The following PITPNC1 variants were observed in gnomAD, a reference collection of about 807,000 sequenced individuals.
PITPNC1 encodes phosphatidylinositol transfer protein cytoplasmic 1.
Under a neutral mutation model 44.7 loss-of-function variants are expected in PITPNC1, and 18 were observed. That is an observed-to-expected ratio of 0.40 (90% CI 0.28 to 0.60). The LOEUF is 0.60. PITPNC1 is among the 20% of genes least tolerant of loss of function. The pLI, the probability that PITPNC1 is intolerant of heterozygous loss-of-function variation, is 0.39. For synonymous variants in PITPNC1, 141 were observed against 149.6 expected (o/e 0.94, Z 0.42); for missense variants, 290 against 418.4 (o/e 0.69, Z 2.68).
chr17:67,583,894 TGTTTGTG>T (rs1568052063), intron 5 of PITPNC1, among the ~76,000 whole-genome samples: 207 of 118,806 alleles, frequency 1.7e-3, no homozygotes, highest in Non-Finnish European at 3.0e-3. Context: ...TGTGTGTGTG[TGTTTGTG>T]TGTGTGTGTG....
chr17:67,583,060 C>T (rs910525693), intron 5 of PITPNC1, among the ~76,000 whole-genome samples: 4 of 152,220 alleles, frequency 2.6e-5, no homozygotes, highest in African/African-American at 4.8e-5. Context: ...GCCTGGGTCC[C>T]AGCCCCTGGG....
chr17:67,600,814 CAAT>C (rs1392812616), intron 5 of PITPNC1, among the ~76,000 whole-genome samples: 1 of 151,236 alleles, frequency 6.6e-6, no homozygotes, highest in African/African-American at 2.4e-5. Flanking sequence ...ACCAACCATA[CAAT>C]GGAGGAAATA....
At chr17:67,555,793 G>A (rs1488116422) in intron 4 of PITPNC1, among the ~76,000 whole-genome samples, 2 of 151,978 alleles carry the variant, frequency 1.3e-5, no homozygotes, top group African/African-American at 4.8e-5. Flanking sequence ...GCAGTGAGCT[G>A]AGATCACACC....
At chr17:67,558,916 A>G (rs1243898537) in intron 4 of PITPNC1, among the ~76,000 whole-genome samples, 1 of 152,220 alleles carries the variant, frequency 6.6e-6, no homozygotes, top group African/African-American at 2.4e-5. Context: ...GAGCCAAGAA[A>G]GAGAGGAAAG....
chr17:67,516,423 C>G (rs2040258767), intron 1 of PITPNC1, among the ~76,000 whole-genome samples: 1 of 152,160 alleles, frequency 6.6e-6, no homozygotes, highest in Admixed American at 6.5e-5. Context: ...CGCTACCTTC[C>G]TCATTGTGTT....
intron 1 of PITPNC1, among the ~76,000 whole-genome samples, chr17:67,462,383 C>T (rs1234110419): frequency 1.3e-5 from 2 of 151,712 alleles, no homozygotes; most frequent in Non-Finnish European, 2.9e-5. Flanking sequence ...AGGCGCCCAC[C>T]ACCATGTCCA....
At chr17:67,408,729 C>CCTTCCTTCCTTTCTTTCTTTCTTT (rs1420868805) in intron 1 of PITPNC1, 3 of 131,274 alleles carry the variant, frequency 2.3e-5, no homozygotes, top group African/African-American at 9.1e-5. Flanking sequence ...TTCCTTCCTT[C>CCTTCCTTCCTTTCTTTCTTTCTTT]CTTTCTTTCT....
intron 5 of PITPNC1, among the ~76,000 whole-genome samples, chr17:67,629,518 C>A (rs898019189): frequency 1.3e-5 from 2 of 152,176 alleles, no homozygotes; most frequent in Non-Finnish European, 2.9e-5. Flanking sequence ...TCCCCCAACC[C>A]GCCCGACATC....
chr17:67,535,947 T>A (rs1288499743), intron 2 of PITPNC1, among the ~76,000 whole-genome samples: 1 of 152,172 alleles, frequency 6.6e-6, no homozygotes, highest in African/African-American at 2.4e-5. Flanking sequence ...GAGAATAGGA[T>A]ATAAAAATAA....
intron 1 of PITPNC1, among the ~76,000 whole-genome samples, chr17:67,513,413 A>G (rs1032072484): frequency 9.5e-5 from 14 of 147,968 alleles, no homozygotes; most frequent in African/African-American, 3.2e-4. Context: ...ATCTACATCT[A>G]CATATGTGTG....
At chr17:67,515,682 G>A (rs1598765977) in intron 1 of PITPNC1, among the ~76,000 whole-genome samples, 1 of 152,168 alleles carries the variant, frequency 6.6e-6, no homozygotes, top group South Asian at 2.1e-4. Flanking sequence ...GGATATTCCG[G>A]CTCATTTTCC....
At position 67,552,129 on chromosome 17, in the gene PITPNC1, G is replaced by GCA. The variant is rs2040773343; in HGVS notation, c.198-128_198-127insCA. ...ACAAAGACCGAAGAGATGGGGAAAG[G>GCA]GCAGCTGTGGAGAAAAGAGATGCCC... On this transcript the variant is annotated intron_variant, in intron 2 of 8. Transcript: ENST00000581322. The GCA allele has an allele frequency of 2.3e-5, 15 of 652,526 alleles. No individual in the cohort carries two copies. In the East Asian group the frequency reaches 4.0e-4, roughly 17 times the overall value. The allele number at this position is 652,526 out of a possible 1,614,324, so 40.4% of individuals were successfully genotyped here.
chr17:67,608,284 G>A (rs1455125790), intron 5 of PITPNC1, among the ~76,000 whole-genome samples: 2 of 136,566 alleles, frequency 1.5e-5, no homozygotes, highest in Non-Finnish European at 3.1e-5. Flanking sequence ...TTCCTAACTT[G>A]CCTAGCTACT....
In PITPNC1 at chr17:67,401,917, T is replaced by C. The variant is rs74252178; in HGVS notation, c.48+23715T>C. Among the ~76,000 whole-genome samples, 26 of 152,296 alleles carry C rather than the reference T, an allele frequency of 1.7e-4. 1 individual carries two copies. In the East Asian group the frequency reaches 5.0e-3, roughly 29 times the overall value. Reference sequence around the variant, plus strand: ...ATCTTCTCTTCCACTGGCTTGCTACTCTCAATTCCTTCAGATTGAATTTAT... The same window carrying C: ...ATCTTCTCTTCCACTGGCTTGCTACCCTCAATTCCTTCAGATTGAATTTAT... On this transcript the variant is annotated intron_variant, in intron 1 of 8. Transcript: ENST00000581322.
At chr17:67,386,039 C>T (rs1442943911) in intron 1 of PITPNC1, among the ~76,000 whole-genome samples, 1 of 152,136 alleles carries the variant, frequency 6.6e-6, no homozygotes, top group African/African-American at 2.4e-5. Context: ...GAGGAAGTTC[C>T]TAAGGCTCTT....
At chr17:67,561,467 A>G (rs1296747752) in intron 4 of PITPNC1, among the ~76,000 whole-genome samples, 2 of 152,098 alleles carry the variant, frequency 1.3e-5, no homozygotes, top group Non-Finnish European at 1.5e-5. Context: ...AAAAAAAAAA[A>G]AGGGAATGCA....
chr17:67,633,897 CT>C (rs1348374793), intron 6 of PITPNC1, among the ~76,000 whole-genome samples: 2 of 152,264 alleles, frequency 1.3e-5, no homozygotes, highest in Non-Finnish European at 2.9e-5. Context: ...CTAATTTCAG[CT>C]TTTCCTCCCA....
intron 4 of PITPNC1, among the ~76,000 whole-genome samples, chr17:67,563,400 T>C (rs1427488772): frequency 6.6e-6 from 1 of 152,220 alleles, no homozygotes; most frequent in Non-Finnish European, 1.5e-5. Context: ...TAAAAGCCTA[T>C]AAATACTTCA....
At chr17:67,405,431 C>A (rs564500398) in intron 1 of PITPNC1, among the ~76,000 whole-genome samples, 5 of 149,328 alleles carry the variant, frequency 3.3e-5, no homozygotes, top group Admixed American at 2.7e-4. Flanking sequence ...AAAAAAAAAT[C>A]AAATTTAATT....
Sources: gnomAD v4.1 joint callset for allele counts (sites outside exome capture counted in the v4.1 genomes callset) on GRCh38, gnomAD v4.1.1 for gene constraint, MANE v1.5 for transcripts, NCBI Gene and HGNC (gene_info 2026-07-23, HGNC 2026-07-21) for gene names.